Variants in CPLANE1 observed in about 807,000 individuals in gnomAD.
The protein encoded by CPLANE1 is ciliogenesis and planar polarity effector complex subunit 1.
A neutral mutation model predicts 362.5 loss-of-function variants in CPLANE1; 263 were observed. The observed-to-expected ratio is 0.73, with a 90% CI of 0.66 to 0.80. The LOEUF is 0.80. Among genes scored for constraint, CPLANE1 ranks in the 30% least tolerant of loss-of-function variants. The pLI is 0.00. For synonymous variants in CPLANE1, 1,212 were observed against 1,302.6 expected (o/e 0.93, Z 1.50); for missense variants, 3,461 against 3,793.4 (o/e 0.91, Z 2.30).
chr5:37,225,852 C>CA (rs70976285), intron 12 of CPLANE1, among the ~76,000 whole-genome samples: 12,261 of 57,296 alleles, frequency 0.21, 1,109 homozygotes, highest in East Asian at 0.35. Context: ...TACTCCATCT[C>CA]AAAAAAAAAA....
chr5:37,170,181 C>G lies in CPLANE1; in HGVS notation c.6322G>C (p.Asp2108His), dbSNP rs756508465. The G allele has an allele frequency of 2.5e-6, 4 of 1,613,992 alleles. No individual in the cohort carries two copies. The African/African-American group carries it at 5.3e-5, about 22-fold the overall frequency. The change falls in exon 33 of 53, where the codon GAC becomes CAC. Residue 2108 changes from aspartate (D) to histidine (H), a missense_variant. This residue lies in a region of CPLANE1 where 3,380 missense variants were observed against 3,666.1 expected (regional missense o/e 0.92). Transcript: ENST00000651892. ...SNLRGCGDVE[D>H]SNKNLKERFF... ...CTCTCCTTAAGATTTTTGTTGCTGT[C>G]TTCAACATCACCACATCCTCTTAGG...
chr5:37,247,868 G>T, intron 1 of CPLANE1, 123 bp from the exon 2 acceptor site: 6 of 603,058 alleles, frequency 9.9e-6, no homozygotes, highest in Non-Finnish European at 1.6e-5. Flanking sequence ...TATGATCTCA[G>T]CTCACTGCAA....
At chr5:37,220,849 G>A (rs569741779) in intron 15 of CPLANE1, among the ~76,000 whole-genome samples, 21 of 152,222 alleles carry the variant, frequency 1.4e-4, no homozygotes, top group Admixed American at 7.2e-4. Context: ...AAATATTCTC[G>A]GAAAATGATT....
At chr5:37,108,168 C>T in intron 52 of CPLANE1, 125 bp downstream of exon 52, 1 of 898,622 alleles carries the variant, frequency 1.1e-6, no homozygotes, top group South Asian at 1.6e-5. Flanking sequence ...TCAAACTGAC[C>T]TAACAACTTT....
downstream of CPLANE1, among the ~76,000 whole-genome samples, chr5:37,105,308 GACAAAA>G (rs1235799086): frequency 4.6e-5 from 7 of 151,322 alleles, no homozygotes; most frequent in South Asian, 2.1e-4. Flanking sequence ...TCAAAACAAA[GACAAAA>G]ACAAAAACAA....
intron 41 of CPLANE1, among the ~76,000 whole-genome samples, chr5:37,155,409 C>G (rs1444213173): frequency 1.3e-5 from 2 of 152,204 alleles, no homozygotes; most frequent in African/African-American, 4.8e-5. Flanking sequence ...TGGTCTTGCT[C>G]TAGCACCCAG....
At chr5:37,127,040 T>C (rs895368634) in intron 46 of CPLANE1, among the ~76,000 whole-genome samples, 2 of 152,194 alleles carry the variant, frequency 1.3e-5, no homozygotes, top group Non-Finnish European at 2.9e-5. Flanking sequence ...GAATTTCTAA[T>C]GGGCTTGCCT....
intron 48 of CPLANE1, 104 bp downstream of exon 48, chr5:37,122,326 G>T: frequency 2.3e-6 from 2 of 874,328 alleles, no homozygotes; most frequent in South Asian, 3.1e-5. Flanking sequence ...TCTGTTTATT[G>T]ACAAAAAAGA....
At chr5:37,095,149 A>G in the CPLANE1 span, among the ~76,000 whole-genome samples, 3 of 152,224 alleles carry the variant, frequency 2.0e-5, no homozygotes, top group Non-Finnish European at 4.4e-5. Flanking sequence ...ACTACAGACC[A>G]ATATCTCTGA....
In CPLANE1 at chr5:37,106,470, A is replaced by C. The variant is rs913188963; in HGVS notation, c.*1132T>G. 3 of 353,410 alleles carry C rather than the reference A, an allele frequency of 8.5e-6. No individual in the cohort carries two copies. Among genetic ancestry groups the C allele is most frequent in the Non-Finnish European group, 1.2e-5 (3 of 252,210 alleles). 21.9% of individuals were successfully genotyped at this position (353,410 alleles called of 1,614,324 possible). On this transcript the variant is annotated 3_prime_UTR_variant, in exon 53 of 53. Transcript: ENST00000651892. ...CCATAAAAATGTACAACTATCATGTATCAATAAAATACCCATAGAATATAC... is the reference window on the plus strand; with the variant it reads ...CCATAAAAATGTACAACTATCATGTCTCAATAAAATACCCATAGAATATAC...
At chr5:37,112,705 A>C (rs1279627442) in intron 51 of CPLANE1, among the ~76,000 whole-genome samples, 3 of 152,224 alleles carry the variant, frequency 2.0e-5, no homozygotes, top group Non-Finnish European at 4.4e-5. Flanking sequence ...ATCATTCCCA[A>C]AGAAAATCCT....
the CPLANE1 span, among the ~76,000 whole-genome samples, chr5:37,095,385 A>G: frequency 2.6e-5 from 4 of 152,174 alleles, no homozygotes; most frequent in Non-Finnish European, 5.9e-5. Context: ...ACCCAGCATC[A>G]CTTTTTGATT....
At position 37,209,526 on chromosome 5, in the gene CPLANE1, G is replaced by T. The variant is rs1425003309; in HGVS notation, c.2921-3101C>A. On this transcript the variant is annotated intron_variant, in intron 16 of 52. Transcript: ENST00000651892. This position sits in a 1 kb window ranked among gnomAD's most constrained non-coding sequence, Gnocchi z 4.6. The stretch of plus-strand genomic sequence containing the variant: ...TGAGTTAATGCACCCTGTATTGAGT[G>T]GAGAACTGCAACCTCAGTCCATTTC... The T allele has an allele frequency of 1.6e-6, 2 of 1,287,656 alleles. No individual in the cohort carries two copies. Among genetic ancestry groups the T allele is most frequent in the Non-Finnish European group, 1.1e-6 (1 of 883,908 alleles). 79.8% of individuals were successfully genotyped at this position (1,287,656 alleles called of 1,614,324 possible).
At position 37,209,489 on chromosome 5, in the gene CPLANE1, C is replaced by G. The variant is rs1580757009; in HGVS notation, c.2921-3064G>C. ...AAACACTCAAGATACAACTTCGAAA[C>G]CAGCTAATTCATGAGTTAATGCACC... On this transcript the variant is annotated intron_variant, in intron 16 of 52. Coordinates refer to ENST00000651892, the MANE Select transcript of CPLANE1 (RefSeq NM_001384732.1). This position sits in a 1 kb window ranked among gnomAD's most constrained non-coding sequence, Gnocchi z 4.6. 1.2e-5 allele frequency: 15 copies of G among 1,284,226 alleles called. No individual in the cohort carries two copies. Among genetic ancestry groups the G allele is most frequent in the East Asian group, 1.2e-4 (5 of 43,166 alleles). 79.6% of individuals were successfully genotyped at this position (1,284,226 alleles called of 1,614,324 possible).
At chr5:37,158,113 C>CT (rs768601326) in intron 39 of CPLANE1, 111 bp downstream of exon 39, 369 of 1,237,098 alleles carry the variant, frequency 3.0e-4, no homozygotes, top group Non-Finnish European at 3.9e-4. Flanking sequence ...TACAAAGCTA[C>CT]ATAGATGAGA....
the CPLANE1 span, among the ~76,000 whole-genome samples, chr5:37,077,589 TG>T: frequency 7.3e-6 from 1 of 137,924 alleles, no homozygotes; most frequent in African/African-American, 3.2e-5. Flanking sequence ...TCAAGAAACT[TG>T]TGTGTGTGTG....
chr5:37,157,329 GTCT>G lies in CPLANE1; in HGVS notation c.8100_8102del (p.Asp2701del), dbSNP rs1354068490. On this transcript the variant is annotated inframe_deletion, in exon 41 of 53. Coordinates refer to ENST00000651892, the MANE Select transcript of CPLANE1 (RefSeq NM_001384732.1). ...GCTGTTTACCTTTGTTCTGCTGTAT[GTCT>G]GATGGTGTAGGTGAGGTGACACTAG... The G allele has an allele frequency of 7.3e-7, 1 of 1,371,752 alleles. No individual in the cohort carries two copies. The highest frequency in any genetic ancestry group is 9.7e-7 in the Non-Finnish European group (1 of 1,034,934). The allele number at this position is 1,371,752 out of a possible 1,614,324, so 85.0% of individuals were successfully genotyped here. A position where few individuals can be genotyped will look rare whatever the true frequency, so the allele number is the denominator to read the frequency against.
At chr5:37,156,624 A>C (rs977720476) in intron 41 of CPLANE1, among the ~76,000 whole-genome samples, 24 of 152,074 alleles carry the variant, frequency 1.6e-4, no homozygotes, top group African/African-American at 5.3e-4. Context: ...ACACACACAT[A>C]TATATGTATT....
intron 34 of CPLANE1, among the ~76,000 whole-genome samples, chr5:37,168,083 A>G (rs1561471277): frequency 6.6e-6 from 1 of 152,202 alleles, no homozygotes; most frequent in East Asian, 1.9e-4. Flanking sequence ...GCATTACTCA[A>G]TTACCTCCCT....
Sources: allele counts gnomAD v4.1 joint callset (sites outside exome capture counted in the v4.1 genomes callset), GRCh38; gene constraint gnomAD v4.1.1; regional missense constraint gnomAD v4.1.1; non-coding constraint Gnocchi (gnomAD v3.1); transcripts MANE v1.5; gene names NCBI Gene and HGNC (gene_info 2026-07-23, HGNC 2026-07-21).